The following LINGO2 variants were observed in gnomAD, a reference collection of about 807,000 sequenced individuals.
The protein encoded by LINGO2 is leucine rich repeat and Ig domain containing 2.
A neutral mutation model predicts 30.6 loss-of-function variants in LINGO2; 14 were observed. The ratio of observed to expected loss-of-function variants is 0.46; its 90% CI spans 0.30 to 0.72. LINGO2 has a LOEUF of 0.72. Among genes scored for constraint, LINGO2 ranks in the 30% least tolerant of loss-of-function variants. The pLI is 0.07. For missense variants in LINGO2, 729 were observed against 751.7 expected (o/e 0.97, Z 0.35); for synonymous variants, 317 against 288.5 (o/e 1.10, Z -1.00).
chr9:28,881,783 G>A, the LINGO2 span, among the ~76,000 whole-genome samples: 1 of 152,054 alleles, frequency 6.6e-6, no homozygotes, highest in Non-Finnish European at 1.5e-5. Context: ...TATTCTTCCT[G>A]ATCTTCTCCC....
the LINGO2 span, among the ~76,000 whole-genome samples, chr9:29,118,462 G>A: frequency 2.0e-5 from 3 of 152,080 alleles, no homozygotes; most frequent in South Asian, 2.1e-4. Flanking sequence ...AGTTCATATC[G>A]CCCCCACACA....
the LINGO2 span, among the ~76,000 whole-genome samples, chr9:28,741,218 C>G: frequency 6.6e-6 from 1 of 151,880 alleles, no homozygotes. Context: ...CAGGGACTGG[C>G]CTAGCATTGG....
At chr9:28,921,587 A>C in the LINGO2 span, among the ~76,000 whole-genome samples, 1 of 152,200 alleles carries the variant, frequency 6.6e-6, no homozygotes, top group Non-Finnish European at 1.5e-5. Context: ...ATCTGAGACT[A>C]TGCAGAAAAC....
intron 3 of LINGO2, among the ~76,000 whole-genome samples, chr9:28,367,896 C>A (rs181083846): frequency 2.6e-5 from 4 of 152,092 alleles, no homozygotes; most frequent in Admixed American, 2.0e-4. Flanking sequence ...TGAACTTTTT[C>A]CCCTATTTTT....
chr9:28,512,813 T>C (rs1820465155), intron 1 of LINGO2, among the ~76,000 whole-genome samples: 2 of 150,980 alleles, frequency 1.3e-5, no homozygotes, highest in South Asian at 4.2e-4. Flanking sequence ...TGGAGTCTGA[T>C]GTTTGAGGGC....
the LINGO2 span, among the ~76,000 whole-genome samples, chr9:29,128,671 G>C: frequency 6.6e-6 from 1 of 152,080 alleles, no homozygotes; most frequent in East Asian, 1.9e-4. Context: ...TTGGTTCACA[G>C]CCTTCATTGG....
At position 28,329,546 on chromosome 9, in the gene LINGO2, T is replaced by G. The variant is rs73645647; in HGVS notation, c.-245-34180A>C. ...CCTGGTACAACATGCATGTTCAGAC[T>G]TGTTTGAGCCAGGGCTTCGGTTCAA... On this transcript the variant is annotated intron_variant, in intron 3 of 5. Coordinates refer to ENST00000379992, the Ensembl canonical transcript of LINGO2. The surrounding 1 kb of genome is among the most constrained non-coding windows in gnomAD (Gnocchi z 4.5). Among the ~76,000 whole-genome samples, 1,061 of 152,232 alleles carry G rather than the reference T, an allele frequency of 7.0e-3. 16 individuals carry two copies. The highest frequency in any genetic ancestry group is 0.024 in the African/African-American group (1,009 of 41,534).
chr9:29,014,919 A>T, the LINGO2 span, among the ~76,000 whole-genome samples: 41 of 152,288 alleles, frequency 2.7e-4, no homozygotes, highest in African/African-American at 8.4e-4. Flanking sequence ...ACATTATAAT[A>T]AAGAAACTAA....
chr9:28,822,197 A>G, the LINGO2 span, among the ~76,000 whole-genome samples: 1 of 152,184 alleles, frequency 6.6e-6, no homozygotes, highest in African/African-American at 2.4e-5. Flanking sequence ...ATACTCAACC[A>G]AAGTTAACAT....
chr9:29,152,373 C>A, the LINGO2 span, among the ~76,000 whole-genome samples: 1 of 152,138 alleles, frequency 6.6e-6, no homozygotes, highest in African/African-American at 2.4e-5. Flanking sequence ...ATGTTCATTG[C>A]AGCACTATTC....
chr9:28,375,163 C>A (rs1821079983), intron 2 of LINGO2, among the ~76,000 whole-genome samples: 1 of 151,484 alleles, frequency 6.6e-6, no homozygotes, highest in Non-Finnish European at 1.5e-5. Context: ...TCTCTCCACT[C>A]CTTTGGCAGC....
chr9:28,984,862 T>A, the LINGO2 span, among the ~76,000 whole-genome samples: 1 of 152,232 alleles, frequency 6.6e-6, no homozygotes, highest in African/African-American at 2.4e-5. Flanking sequence ...TTATTATTTT[T>A]GTAGTGAGAA....
intron 1 of LINGO2, among the ~76,000 whole-genome samples, chr9:28,590,868 T>C (rs1164426592): frequency 2.0e-5 from 3 of 152,122 alleles, no homozygotes; most frequent in Non-Finnish European, 4.4e-5. Flanking sequence ...TGTATGTTTA[T>C]TGTGGCACTA....
chr9:28,700,350 C>A, the LINGO2 span, among the ~76,000 whole-genome samples: 1 of 152,026 alleles, frequency 6.6e-6, no homozygotes, highest in African/African-American at 2.4e-5. Context: ...TTTTTCCATA[C>A]TTTTTACTTT....
At chr9:28,948,051 C>A in the LINGO2 span, among the ~76,000 whole-genome samples, 20 of 152,152 alleles carry the variant, frequency 1.3e-4, no homozygotes, top group African/African-American at 4.8e-4. Context: ...ATGTTTACTT[C>A]CAATCCAATT....
the LINGO2 span, among the ~76,000 whole-genome samples, chr9:28,807,472 A>G: frequency 2.0e-5 from 3 of 152,210 alleles, no homozygotes; most frequent in Non-Finnish European, 2.9e-5. Context: ...AAGTTCAAGC[A>G]TAGTAACTGA....
chr9:28,512,434 A>G (rs191409069), intron 1 of LINGO2, among the ~76,000 whole-genome samples: 51 of 151,622 alleles, frequency 3.4e-4, no homozygotes, highest in African/African-American at 1.2e-3. Context: ...CACCTCAAGC[A>G]CCATTGGATC....
At chr9:29,192,896 C>T in the LINGO2 span, among the ~76,000 whole-genome samples, 2 of 152,174 alleles carry the variant, frequency 1.3e-5, no homozygotes, top group Non-Finnish European at 2.9e-5. Context: ...TACTGCTCCA[C>T]TTGTCAAACT....
the LINGO2 span, among the ~76,000 whole-genome samples, chr9:28,764,174 A>T: frequency 6.6e-6 from 1 of 151,802 alleles, no homozygotes; most frequent in East Asian, 1.9e-4. Context: ...CTCTTCTTAC[A>T]AGGGCAGCAT....
Sources: gnomAD v4.1 joint callset for allele counts (sites outside exome capture counted in the v4.1 genomes callset) on GRCh38, gnomAD v4.1.1 for gene constraint, Gnocchi (gnomAD v3.1) non-coding constraint, MANE v1.5 for transcripts, NCBI Gene and HGNC (gene_info 2026-07-23, HGNC 2026-07-21) for gene names.